The following NCKAP5 variants were observed in gnomAD, a reference collection of about 807,000 sequenced individuals.
NCKAP5 encodes nck-associated protein 5.
NCKAP5 carries 92 observed loss-of-function variants against 167.0 expected under a neutral mutation model. That is an observed-to-expected ratio of 0.55 (90% CI 0.47 to 0.66). The LOEUF (loss-of-function observed/expected upper bound fraction) is 0.66, where lower values mean the gene tolerates loss of function less well. NCKAP5 is among the 30% of genes least tolerant of loss of function. NCKAP5 has a pLI of 0.00. For synonymous variants in NCKAP5, 891 were observed against 877.4 expected (o/e 1.02, Z -0.27); for missense variants, 2,378 against 2,315.0 (o/e 1.03, Z -0.56).
At chr2:132,874,139 C>T (rs1007346814) in intron 9 of NCKAP5, among the ~76,000 whole-genome samples, 12 of 136,438 alleles carry the variant, frequency 8.8e-5, no homozygotes, top group South Asian at 4.8e-4. Flanking sequence ...GATGGAGTCT[C>T]GCTCTGTCAC....
chr2:133,190,857 A>C (rs2085185730), intron 5 of NCKAP5, among the ~76,000 whole-genome samples: 2 of 152,202 alleles, frequency 1.3e-5, no homozygotes, highest in Admixed American at 1.3e-4. Flanking sequence ...GGACATAGGC[A>C]TGGACAAGGA....
chr2:133,418,299 A>G (rs1011194302), intron 3 of NCKAP5, among the ~76,000 whole-genome samples: 2 of 152,184 alleles, frequency 1.3e-5, no homozygotes, highest in East Asian at 3.9e-4. Flanking sequence ...CAACTCTGAG[A>G]CTTCCAACAA....
chr2:132,734,196 T>C (rs539828283), intron 16 of NCKAP5, among the ~76,000 whole-genome samples: 7 of 152,340 alleles, frequency 4.6e-5, no homozygotes, highest in Non-Finnish European at 7.3e-5. Flanking sequence ...TTAATTGTTA[T>C]AGAATGGTGT....
intron 11 of NCKAP5, among the ~76,000 whole-genome samples, chr2:132,798,570 CTTCA>C (rs1241902094): frequency 6.6e-6 from 1 of 152,180 alleles, no homozygotes; most frequent in Non-Finnish European, 1.5e-5. Context: ...CATGAATGCA[CTTCA>C]TTATTATTTC....
intron 6 of NCKAP5, among the ~76,000 whole-genome samples, chr2:132,996,469 C>T (rs1165462208): frequency 6.6e-6 from 1 of 152,142 alleles, no homozygotes. Context: ...CCCTCCATTT[C>T]ATCTTCCTAT....
intron 5 of NCKAP5, among the ~76,000 whole-genome samples, chr2:133,185,761 A>G (rs1159460446): frequency 2.0e-5 from 3 of 152,024 alleles, no homozygotes; most frequent in Non-Finnish European, 2.9e-5. Context: ...GTTCTCAGCT[A>G]GAATATTATT....
Position 132,782,923 on chromosome 2 carries a change from T to A in NCKAP5, c.3888A>T (p.Lys1296Asn), listed in dbSNP as rs967289820. 1.2e-6 allele frequency: 2 copies of A among 1,613,894 alleles called. No individual in the cohort carries two copies. Among genetic ancestry groups the A allele is most frequent in the Admixed American group, 3.3e-5 (2 of 60,010 alleles). ...PSTPPIEGSG[K>N]VRTQIITNTA... ...TATTGGTAATGATCTGAGTGCGGACTTTGCCTGACCCTTCGATGGGGGGCG... is the reference window on the plus strand; with the variant it reads ...TATTGGTAATGATCTGAGTGCGGACATTGCCTGACCCTTCGATGGGGGGCG... The change falls in exon 14 of 20, where the codon AAA becomes AAT. Residue 1296 changes from lysine to asparagine, a missense_variant. Around this residue, in one of 3 missense-constraint regions of NCKAP5, gnomAD observed 1,325 missense variants for 1,274.5 expected, o/e 1.04. Transcript: ENST00000409261.
At chr2:133,608,292 T>G in the NCKAP5 span, among the ~76,000 whole-genome samples, 1 of 152,206 alleles carries the variant, frequency 6.6e-6, no homozygotes, top group Non-Finnish European at 1.5e-5. Flanking sequence ...TCTCAAATGG[T>G]CTTCATTCTG....
At chr2:132,890,070 T>C (rs1260843815) in intron 8 of NCKAP5, among the ~76,000 whole-genome samples, 2 of 152,222 alleles carry the variant, frequency 1.3e-5, no homozygotes, top group Non-Finnish European at 2.9e-5. Context: ...TCAAGCTTGC[T>C]GAAACTCCTT....
At chr2:133,647,420 A>AAG in the NCKAP5 span, among the ~76,000 whole-genome samples, 2 of 59,358 alleles carry the variant, frequency 3.4e-5, no homozygotes, top group African/African-American at 8.5e-5. Flanking sequence ...AGGAAGGAAG[A>AAG]GAAAGAAAGG....
At chr2:133,419,681 T>A (rs1689348282) in intron 3 of NCKAP5, among the ~76,000 whole-genome samples, 1 of 152,222 alleles carries the variant, frequency 6.6e-6, no homozygotes, top group African/African-American at 2.4e-5. Context: ...ACCATCCATT[T>A]CACTCATTTG....
chr2:132,707,623 C>T (rs1333448402), intron 19 of NCKAP5, among the ~76,000 whole-genome samples: 1 of 152,186 alleles, frequency 6.6e-6, no homozygotes, highest in African/African-American at 2.4e-5. Flanking sequence ...TCCTGTGTGC[C>T]AGGCACTGTT....
Position 132,782,394 on chromosome 2 carries a change from C to G in NCKAP5, c.4417G>C (p.Glu1473Gln), listed in dbSNP as rs911991502. The G allele has an allele frequency of 1.9e-6, 3 of 1,613,908 alleles. No individual in the cohort carries two copies. Among genetic ancestry groups the G allele is most frequent in the African/African-American group, 1.3e-5 (1 of 74,932 alleles). The change falls in exon 14 of 20, where the codon GAA (glutamate) becomes CAA (glutamine). Residue 1473 changes from glutamate (E) to glutamine (Q), a missense_variant. Transcript: ENST00000409261. ...TGAATGCACAACATGACCTTTTCTT[C>G]GATTGTGGGTGAGAGGGGGGCTTCT... Reference protein sequence around the residue: ...SSEAPLSPTIEEKVMLCIQEN... With the variant: ...SSEAPLSPTIQEKVMLCIQEN...
At chr2:132,972,404 A>G (rs1489069594) in intron 7 of NCKAP5, among the ~76,000 whole-genome samples, 1 of 152,176 alleles carries the variant, frequency 6.6e-6, no homozygotes. Flanking sequence ...GAAGGGAAAC[A>G]TGTCTACAAC....
At chr2:133,664,898 A>G in the NCKAP5 span, among the ~76,000 whole-genome samples, 1 of 152,198 alleles carries the variant, frequency 6.6e-6, no homozygotes, top group African/African-American at 2.4e-5. Context: ...TTCACTTTGC[A>G]CTTTTATGTT....
At chr2:133,440,571 G>A (rs1035305340) in intron 3 of NCKAP5, among the ~76,000 whole-genome samples, 21 of 151,942 alleles carry the variant, frequency 1.4e-4, no homozygotes, top group East Asian at 3.9e-4. Context: ...TTAGCCAGGC[G>A]TGATGGCGGG....
At chr2:133,510,082 T>G (rs111870120) in intron 3 of NCKAP5, among the ~76,000 whole-genome samples, 36 of 152,262 alleles carry the variant, frequency 2.4e-4, no homozygotes, top group Middle Eastern at 3.4e-3. Context: ...CAATTGCAAG[T>G]GCTGGGCAGA....
intron 8 of NCKAP5, among the ~76,000 whole-genome samples, chr2:132,925,024 C>T (rs896001346): frequency 6.6e-6 from 1 of 152,090 alleles, no homozygotes; most frequent in Non-Finnish European, 1.5e-5. Flanking sequence ...CAGAGGCTGG[C>T]TGTGCCTTAG....
chr2:132,956,457 A>G (rs2076347721), intron 8 of NCKAP5, among the ~76,000 whole-genome samples: 2 of 152,196 alleles, frequency 1.3e-5, no homozygotes, highest in Admixed American at 6.5e-5. Flanking sequence ...TGAGTTTTTA[A>G]AAAGCTCTAT....
Sources: allele counts gnomAD v4.1 joint callset (sites outside exome capture counted in the v4.1 genomes callset), GRCh38; gene constraint gnomAD v4.1.1; regional missense constraint gnomAD v4.1.1; transcripts MANE v1.5; gene names NCBI Gene and HGNC (gene_info 2026-07-23, HGNC 2026-07-21).